The following SWT1 variants were observed in gnomAD, a reference collection of about 807,000 sequenced individuals.
The protein encoded by SWT1 is SWT1 RNA endoribonuclease homolog, also known as transcriptional protein SWT1.
Under a neutral mutation model 107.3 loss-of-function variants are expected in SWT1, and 33 were observed. That is an observed-to-expected ratio of 0.31 (90% CI 0.23 to 0.41). The LOEUF is 0.41. SWT1 is among the 10% of genes least tolerant of loss of function. The pLI is 1.00. For missense variants in SWT1, 898 were observed against 1,028.9 expected, an observed-to-expected ratio of 0.87 and a Z score of 1.74; for synonymous variants, 345 against 348.3, an observed-to-expected ratio of 0.99 and a Z score of 0.11.
At chr1:185,190,498 C>T in intron 9 of SWT1, 51 bp from the exon 10 acceptor site, 1 of 1,010,370 alleles carries the variant, frequency 9.9e-7, no homozygotes, top group Non-Finnish European at 1.6e-6. Context: ...ATTTCTGTGT[C>T]ACCCACATTT....
rs1476896969 is a variant in SWT1, at chr1:185,204,848, A to G, written c.1818A>G (p.Gly606=). ...AAACAGAAATGAAAATTGCTTTTGGAAACCTTTGGATGGAGGTGATTAGTT... is the reference window on the plus strand; with the variant it reads ...AAACAGAAATGAAAATTGCTTTTGGGAACCTTTGGATGGAGGTGATTAGTT... ...ILETEMKIAF[G]NLWMEILYLK... is the part of the protein sequence containing the mutation. Residue 606 remains glycine (G), a synonymous_variant, in exon 12 of 19, where the codon GGA becomes GGG. Transcript: ENST00000367500. 2 of 1,578,062 alleles carry G rather than the reference A, an allele frequency of 1.3e-6. No individual in the cohort carries two copies. The highest frequency in any genetic ancestry group is 1.7e-6 in the Non-Finnish European group (2 of 1,165,554).
chr1:185,182,110 T>C (rs1275570671), intron 7 of SWT1, 53 bp downstream of exon 7: 1 of 1,534,816 alleles, frequency 6.5e-7, no homozygotes, highest in Non-Finnish European at 8.8e-7. Flanking sequence ...TAAAAATTAA[T>C]GTGCCAATAT....
intron 4 of SWT1, chr1:185,171,500 G>A (rs1053677209): frequency 9.6e-6 from 3 of 313,058 alleles, no homozygotes; most frequent in African/African-American, 4.5e-5. Context: ...CGGAAGTCAT[G>A]GTGATCTTGC....
intron 17 of SWT1, among the ~76,000 whole-genome samples, chr1:185,276,189 A>G (rs1175633649): frequency 2.0e-5 from 3 of 152,138 alleles, no homozygotes; most frequent in Non-Finnish European, 4.4e-5. Flanking sequence ...TATCTCTGAT[A>G]TAGATATTTA....
chr1:185,244,769 C>G (rs948629893), intron 16 of SWT1, among the ~76,000 whole-genome samples: 1 of 151,998 alleles, frequency 6.6e-6, no homozygotes, highest in African/African-American at 2.4e-5. Context: ...GACTCTTTTC[C>G]AGTAACACTT....
At chr1:185,209,080 G>A (rs1400722639) in intron 13 of SWT1, among the ~76,000 whole-genome samples, 2 of 152,000 alleles carry the variant, frequency 1.3e-5, no homozygotes, top group African/African-American at 4.8e-5. Flanking sequence ...TGCAAGACGT[G>A]GATCATGAAA....
intron 15 of SWT1, among the ~76,000 whole-genome samples, chr1:185,226,371 A>T (rs1660055645): frequency 6.6e-6 from 1 of 152,204 alleles, no homozygotes; most frequent in Non-Finnish European, 1.5e-5. Context: ...ATAATCGCTC[A>T]TGGGCCTTTC....
intron 16 of SWT1, among the ~76,000 whole-genome samples, chr1:185,248,617 C>A (rs1447187771): frequency 6.6e-6 from 1 of 152,066 alleles, no homozygotes; most frequent in Non-Finnish European, 1.5e-5. Context: ...GTGATGGTTC[C>A]TGCTGTCACT....
At position 185,163,708 on chromosome 1, in the gene SWT1, A is replaced by G. The variant is rs77582565; in HGVS notation, c.84+2783A>G. ...CGCACCCAGCCCCCATTAAAGTTTT[A>G]TTATGAGATGATAGAAATTCAGACA... On this transcript the variant is annotated intron_variant, in intron 2 of 18. Transcript: ENST00000367500. 5.8e-3 allele frequency among the ~76,000 whole-genome samples: 877 copies of G among 152,274 alleles called. 36 individuals are homozygous for G. In the East Asian group the frequency reaches 0.092, roughly 16 times the overall value.
chr1:185,248,660 A>G (rs1423723748), intron 16 of SWT1, among the ~76,000 whole-genome samples: 1 of 151,920 alleles, frequency 6.6e-6, no homozygotes, highest in Admixed American at 6.6e-5. Context: ...GGAGATACTA[A>G]TCTCTCTCCT....
At chr1:185,253,230 T>C (rs1354234149) in intron 16 of SWT1, among the ~76,000 whole-genome samples, 1 of 150,906 alleles carries the variant, frequency 6.6e-6, no homozygotes. Context: ...ACCTCCAGCT[T>C]TGTTCTTTTG....
chr1:185,283,995 A>G (rs1214237829), intron 18 of SWT1, among the ~76,000 whole-genome samples: 2 of 152,226 alleles, frequency 1.3e-5, no homozygotes, highest in African/African-American at 4.8e-5. Context: ...GGGGTCATAT[A>G]CCTAGGAGTA....
At chr1:185,175,202 G>GTTTTTT in intron 5 of SWT1, 89 bp downstream of exon 5, 1 of 722,748 alleles carries the variant, frequency 1.4e-6, no homozygotes, top group Non-Finnish European at 1.9e-6. Flanking sequence ...ATTTTTTTCT[G>GTTTTTT]TTTTTTTTTT....
intron 10 of SWT1, 82 bp from the exon 11 acceptor site, chr1:185,202,572 A>C: frequency 1.7e-6 from 2 of 1,192,586 alleles, no homozygotes; most frequent in Non-Finnish European, 2.4e-6. Flanking sequence ...GCCTCTGACT[A>C]GATCTCATGT....
chr1:185,276,629 C>T lies in SWT1; in HGVS notation c.2534C>T (p.Ala845Val). The change falls in exon 18 of 19, where the codon GCC becomes GTC. Residue 845 changes from alanine to valine, a missense_variant. This residue lies in a region of SWT1 where 382 missense variants were observed against 460.0 expected (regional missense o/e 0.83). Transcript: ENST00000367500. ...YEVNKNVKFT[A>V]QEIYDCVSQT... ...GTAAATAAAAATGTCAAATTTACTG[C>T]CCAGGAAATTTATGATTGTGTTTCT... 6.3e-7 allele frequency: 1 copy of T among 1,580,412 alleles called. No homozygotes were observed. Among genetic ancestry groups the T allele is most frequent in the Non-Finnish European group, 8.7e-7 (1 of 1,155,306 alleles).
intron 9 of SWT1, among the ~76,000 whole-genome samples, chr1:185,190,078 C>T (rs1466405981): frequency 6.6e-6 from 1 of 152,132 alleles, no homozygotes; most frequent in African/African-American, 2.4e-5. Context: ...GAACTCCTGA[C>T]CTCAAGTGAT....
At chr1:185,211,504 G>A (rs1658803545) in intron 13 of SWT1, among the ~76,000 whole-genome samples, 1 of 152,136 alleles carries the variant, frequency 6.6e-6, no homozygotes, top group African/African-American at 2.4e-5. Flanking sequence ...ATGATTATAT[G>A]AAGGACATGG....
At chr1:185,244,064 C>T (rs901940276) in intron 16 of SWT1, among the ~76,000 whole-genome samples, 6 of 151,932 alleles carry the variant, frequency 3.9e-5, no homozygotes, top group African/African-American at 1.5e-4. Context: ...GGGAAATACA[C>T]TCATACATCT....
chr1:185,289,941 A>T (rs974383932), intron 18 of SWT1, among the ~76,000 whole-genome samples: 25 of 152,162 alleles, frequency 1.6e-4, no homozygotes, highest in African/African-American at 4.6e-4. Flanking sequence ...TTAGTTAATG[A>T]CAATGTATTG....
Sources: gnomAD v4.1 joint callset for allele counts (sites outside exome capture counted in the v4.1 genomes callset) on GRCh38, gnomAD v4.1.1 for gene constraint, gnomAD v4.1.1 regional missense constraint, MANE v1.5 for transcripts, NCBI Gene and HGNC (gene_info 2026-07-23, HGNC 2026-07-21) for gene names.